Variants in SMARCA5 observed in about 807,000 individuals in gnomAD.
SMARCA5 encodes the protein SNF2 related chromatin remodeling ATPase 5, also known as SWI/SNF-related matrix-associated actin-dependent regulator of chromatin subfamily A member 5.
Under a neutral mutation model 140.4 loss-of-function variants are expected in SMARCA5, and 18 were observed. That is an observed-to-expected ratio of 0.13 (90% CI 0.09 to 0.19). The LOEUF (loss-of-function observed/expected upper bound fraction) is 0.19, where lower values mean the gene tolerates loss of function less well. Ranked by LOEUF, SMARCA5 falls within the 10% of genes least tolerant of loss-of-function variation. The pLI is 1.00. For synonymous variants in SMARCA5, 449 were observed against 419.6 expected, an observed-to-expected ratio of 1.07 and a Z score of -0.86; for missense variants, 606 against 1,276.8, an observed-to-expected ratio of 0.47 and a Z score of 8.01.
rs759581135 is a variant in SMARCA5 at position 143,544,718 on chromosome 4, G to A, written c.2173-19G>A. ...TGTATAATAAAAGTTGGTGATTTGAGTTGTTTCCCATGTGCTAGATTGCAT... is the reference window on the plus strand; with the variant it reads ...TGTATAATAAAAGTTGGTGATTTGAATTGTTTCCCATGTGCTAGATTGCAT... On this transcript the variant is annotated intron_variant, in intron 16 of 23. Transcript: ENST00000283131. 3 of 1,388,504 alleles carry A rather than the reference G, an allele frequency of 2.2e-6. No homozygotes were observed. The highest frequency in any genetic ancestry group is 1.4e-5 in the African/African-American group (1 of 69,558). 86.0% of individuals were successfully genotyped at this position (1,388,504 alleles called of 1,614,324 possible).
chr4:143,530,373 C>G, intron 8 of SMARCA5, 85 bp from the exon 9 acceptor site: 1 of 816,722 alleles, frequency 1.2e-6, no homozygotes, highest in South Asian at 2.0e-5. Context: ...ATTACTAATT[C>G]TAGAAATCAT....
chr4:143,534,800 A>T (rs1737270489), intron 9 of SMARCA5, 55 bp from the exon 10 acceptor site: 1 of 1,260,368 alleles, frequency 7.9e-7, no homozygotes, highest in Non-Finnish European at 1.1e-6. Context: ...AAGATGCTGA[A>T]ATATGACCTT....
chr4:143,524,794 A>G (rs1209532775), intron 4 of SMARCA5, among the ~76,000 whole-genome samples: 5 of 152,200 alleles, frequency 3.3e-5, no homozygotes, highest in Non-Finnish European at 5.9e-5. Context: ...ACATTTGCTT[A>G]CTTCTGATGT....
chr4:143,542,844 G>A (rs970149270), intron 14 of SMARCA5, among the ~76,000 whole-genome samples: 3 of 152,114 alleles, frequency 2.0e-5, no homozygotes, highest in African/African-American at 7.2e-5. Flanking sequence ...ACCAGGTGTG[G>A]TAGTGCATGC....
At chr4:143,517,494 A>C (rs1168824388) in intron 2 of SMARCA5, 65 bp downstream of exon 2, 1 of 944,540 alleles carries the variant, frequency 1.1e-6, no homozygotes, top group Non-Finnish European at 1.6e-6. Context: ...TAAATGTACT[A>C]AACATCTATC....
At chr4:143,539,152 A>G (rs1432519664) in intron 13 of SMARCA5, among the ~76,000 whole-genome samples, 2 of 152,156 alleles carry the variant, frequency 1.3e-5, no homozygotes, top group African/African-American at 2.4e-5. Flanking sequence ...GTCCTCTGCT[A>G]TACTGCATCC....
At position 143,555,261 on chromosome 4, in the gene SMARCA5, A is replaced by T; in HGVS notation, c.*2077A>T. 1.2e-6 allele frequency: 1 copy of T among 859,790 alleles called. No individual in the cohort carries two copies. Among genetic ancestry groups the T allele is most frequent in the South Asian group, 1.3e-5 (1 of 76,688 alleles). 53.3% of individuals were successfully genotyped at this position (859,790 alleles called of 1,614,324 possible). On this transcript the variant is annotated 3_prime_UTR_variant, in exon 24 of 24. Transcript: ENST00000283131. ...CCTCCCTTCATGGGTCCAAAATTTG[A>T]AGACTGATTGTTGTCATTGCCAAAA... is the stretch of plus-strand genomic sequence containing the variant.
At position 143,536,504 on chromosome 4, in the gene SMARCA5, A is replaced by G. The variant is rs761445300; in HGVS notation, c.1321A>G (p.Met441Val). Residue 441 changes from methionine (M) to valine (V), a missense_variant, in exon 11 of 24, where the codon ATG becomes GTG. Coordinates refer to ENST00000283131, the MANE Select transcript of SMARCA5 (RefSeq NM_003601.4). ...DIDILNSAGKMDKMRLLNILM... is the reference protein window; with the variant it reads ...DIDILNSAGKVDKMRLLNILM... ...AGATATACTCAACTCAGCAGGCAAGATGGACAAAATGAGGTTATTGAACAT... is the reference window on the plus strand; with the variant it reads ...AGATATACTCAACTCAGCAGGCAAGGTGGACAAAATGAGGTTATTGAACAT... 46 of 1,613,776 alleles carry G rather than the reference A, an allele frequency of 2.9e-5. No individual in the cohort carries two copies. The highest frequency in any genetic ancestry group is 1.3e-4 in the East Asian group (6 of 44,860).
chr4:143,551,619 T>C (rs1197377387), intron 23 of SMARCA5, among the ~76,000 whole-genome samples: 2 of 152,122 alleles, frequency 1.3e-5, no homozygotes, highest in Non-Finnish European at 2.9e-5. Flanking sequence ...TGTATGGATA[T>C]CCAATTTTCC....
intron 2 of SMARCA5, among the ~76,000 whole-genome samples, chr4:143,520,866 G>A (rs1230295318): frequency 6.6e-6 from 1 of 151,930 alleles, no homozygotes; most frequent in Admixed American, 6.6e-5. Context: ...AGGGGCAGAT[G>A]GCAGATACGA....
At position 143,527,911 on chromosome 4, in the gene SMARCA5, T is replaced by C; in HGVS notation, c.845T>C (p.Val282Ala). ...RDVLLPGEWD[V>A]CVTSYEMLIK... ...GTTTTATTACCGGGAGAATGGGATG[T>C]ATGTGTAACATCTTATGAAATGCTT... Residue 282 changes from valine (V) to alanine (A), a missense_variant, in exon 7 of 24, where the codon GTA becomes GCA. By Grantham distance (64) the Val-to-Ala change is moderately conservative (BLOSUM62 0). Around this residue, in one of 10 missense-constraint regions of SMARCA5, gnomAD observed 110 missense variants for 287.7 expected, o/e 0.38. Transcript: ENST00000283131. 1.3e-6 allele frequency: 2 copies of C among 1,599,836 alleles called. No individual in the cohort carries two copies. Among genetic ancestry groups the C allele is most frequent in the Non-Finnish European group, 1.7e-6 (2 of 1,176,438 alleles).
chr4:143,547,355 T>G, intron 20 of SMARCA5, 30 bp from the exon 21 acceptor site: 1 of 1,082,032 alleles, frequency 9.2e-7, no homozygotes, highest in Non-Finnish European at 1.4e-6. Context: ...AAAATATAAA[T>G]GATTTGTTTA....
At chr4:143,534,444 G>A (rs1737263747) in intron 9 of SMARCA5, among the ~76,000 whole-genome samples, 1 of 152,116 alleles carries the variant, frequency 6.6e-6, no homozygotes, top group African/African-American at 2.4e-5. Context: ...AAATAAAATA[G>A]ATGGTTCCAT....
chr4:143,525,623 T>C (rs920477902), intron 5 of SMARCA5, 72 bp downstream of exon 5: 11 of 1,065,188 alleles, frequency 1.0e-5, no homozygotes, highest in African/African-American at 1.6e-5. Flanking sequence ...TAAAAGTTTC[T>C]TACAGTCTAC....
chr4:143,542,410 C>T (rs577925187), intron 14 of SMARCA5, among the ~76,000 whole-genome samples: 8 of 152,176 alleles, frequency 5.3e-5, no homozygotes, highest in Non-Finnish European at 8.8e-5. Context: ...CTGAAGGTTC[C>T]GGAACCTTCC....
At chr4:143,548,635 C>T (rs1214669739) in intron 22 of SMARCA5, among the ~76,000 whole-genome samples, 1 of 152,052 alleles carries the variant, frequency 6.6e-6, no homozygotes, top group Admixed American at 6.6e-5. Flanking sequence ...CAAATAGCCC[C>T]ATTTCTAATA....
In SMARCA5 at chr4:143,555,997, T is replaced by A. The variant is rs1737741161; in HGVS notation, c.*2813T>A. The A allele has an allele frequency of 1.3e-5, 2 of 152,190 alleles. No homozygotes were observed. Among genetic ancestry groups the A allele is most frequent in the South Asian group, 4.1e-4 (2 of 4,828 alleles). The allele number at this position is 152,190 out of a possible 1,614,324, so 9.4% of individuals were successfully genotyped here. On this transcript the variant is annotated 3_prime_UTR_variant, in exon 24 of 24. Coordinates refer to ENST00000283131, the MANE Select transcript of SMARCA5 (RefSeq NM_003601.4). ...CACCTGGCCTACATTTTGTTTTTCA[T>A]AAAGTTGAGAGAAGCAAATCCTAAG...
chr4:143,514,352 T>C (rs1223994405), intron 1 of SMARCA5: 1 of 474,262 alleles, frequency 2.1e-6, no homozygotes, highest in Admixed American at 4.1e-5. Flanking sequence ...GACAAATATT[T>C]GAACGCTCTC....
At chr4:143,515,071 T>C (rs1736799451) in intron 1 of SMARCA5, among the ~76,000 whole-genome samples, 1 of 152,222 alleles carries the variant, frequency 6.6e-6, no homozygotes, top group African/African-American at 2.4e-5. Flanking sequence ...TGTTTTGAGA[T>C]ATTTTGTGAG....
Sources: gnomAD v4.1 joint callset for allele counts (sites outside exome capture counted in the v4.1 genomes callset) on GRCh38, gnomAD v4.1.1 for gene constraint, gnomAD v4.1.1 regional missense constraint, MANE v1.5 for transcripts, NCBI Gene and HGNC (gene_info 2026-07-23, HGNC 2026-07-21) for gene names.